Variants in CPEB3 observed in about 807,000 individuals in gnomAD.
The protein encoded by CPEB3 is cytoplasmic polyadenylation element-binding protein 3.
Under a neutral mutation model 67.2 loss-of-function variants are expected in CPEB3, and 20 were observed. The ratio of observed to expected loss-of-function variants is 0.30; its 90% confidence interval spans 0.21 to 0.43. The LOEUF is 0.43. Ranked by LOEUF, CPEB3 falls within the 20% of genes least tolerant of loss-of-function variation. The pLI is 1.00. For missense variants in CPEB3, 746 were observed against 968.6 expected (o/e 0.77, Z 3.05); for synonymous variants, 376 against 393.1 (o/e 0.96, Z 0.51).
At chr10:92,234,965 A>G (rs192335243) in intron 2 of CPEB3, among the ~76,000 whole-genome samples, 6 of 152,282 alleles carry the variant, frequency 3.9e-5, no homozygotes, top group Admixed American at 3.9e-4. Context: ...AGCAAGAATG[A>G]CAATAGTCCT....
At chr10:92,066,397 A>G (rs2134354392) in intron 9 of CPEB3, among the ~76,000 whole-genome samples, 1 of 152,244 alleles carries the variant, frequency 6.6e-6, no homozygotes, top group South Asian at 2.1e-4. Flanking sequence ...ATAAATAGAT[A>G]GACAGATAGA....
intron 1 of CPEB3, among the ~76,000 whole-genome samples, chr10:92,240,706 T>A (rs561231714): frequency 6.6e-6 from 1 of 152,302 alleles, no homozygotes; most frequent in Admixed American, 6.5e-5. Flanking sequence ...CGCCCTGCAA[T>A]GAGAAACTGA....
intron 1 of CPEB3, among the ~76,000 whole-genome samples, chr10:92,286,315 T>C (rs1162504749): frequency 6.6e-6 from 1 of 152,016 alleles, no homozygotes; most frequent in Non-Finnish European, 1.5e-5. Flanking sequence ...CCAGGCACAG[T>C]GGCTCATGCC....
chr10:92,116,244 C>A (rs1845019185), intron 6 of CPEB3, among the ~76,000 whole-genome samples: 1 of 129,322 alleles, frequency 7.7e-6, no homozygotes, highest in Non-Finnish European at 1.6e-5. Flanking sequence ...ATTAAACACA[C>A]CTTCCAGTAA....
At chr10:92,248,002 TG>T (rs780602019) in intron 1 of CPEB3, among the ~76,000 whole-genome samples, 2 of 152,158 alleles carry the variant, frequency 1.3e-5, no homozygotes, top group Non-Finnish European at 2.9e-5. Context: ...TAAACCCCTT[TG>T]GAGTAGCCAT....
chr10:92,053,427 G>T (rs976235517), intron 9 of CPEB3, among the ~76,000 whole-genome samples: 1 of 151,776 alleles, frequency 6.6e-6, no homozygotes, highest in East Asian at 1.9e-4. Flanking sequence ...GCAGTGGTGC[G>T]ATCTCGGCTC....
chr10:92,249,737 G>T (rs1355439830), intron 1 of CPEB3, among the ~76,000 whole-genome samples: 1 of 151,642 alleles, frequency 6.6e-6, no homozygotes, highest in African/African-American at 2.4e-5. Context: ...AAATATTTTT[G>T]GGCCAGGAGC....
At chr10:92,139,785 A>G (rs1846306162) in intron 6 of CPEB3, among the ~76,000 whole-genome samples, 1 of 152,114 alleles carries the variant, frequency 6.6e-6, no homozygotes. Flanking sequence ...CCTATATCAA[A>G]ATATCTCAGC....
intron 8 of CPEB3, among the ~76,000 whole-genome samples, chr10:92,089,878 C>A (rs1275459330): frequency 1.3e-5 from 2 of 152,074 alleles, no homozygotes; most frequent in African/African-American, 4.8e-5. Context: ...AAATATAATT[C>A]TTGTTTAATC....
chr10:92,058,710 G>C (rs1842216024), intron 9 of CPEB3, among the ~76,000 whole-genome samples: 1 of 151,848 alleles, frequency 6.6e-6, no homozygotes, highest in Non-Finnish European at 1.5e-5. Context: ...AATAGCTGGA[G>C]ACTTTAACAC....
intron 2 of CPEB3, among the ~76,000 whole-genome samples, chr10:92,196,661 G>A (rs965592756): frequency 3.3e-5 from 5 of 151,902 alleles, no homozygotes; most frequent in Admixed American, 2.0e-4. Context: ...CCAACTACTC[G>A]GGAGGCTGAG....
rs1027663061 is a variant in CPEB3 at position 92,051,927 on chromosome 10, C to T, written c.*285G>A. The T allele has an allele frequency of 5.4e-5, 17 of 312,466 alleles. No homozygotes were observed. Among genetic ancestry groups the T allele is most frequent in the South Asian group, 2.1e-4 (4 of 18,744 alleles). The allele number at this position is 312,466 out of a possible 1,614,324, so 19.4% of individuals were successfully genotyped here. A position where few individuals can be genotyped will look rare whatever the true frequency, so the allele number is the denominator to read the frequency against. On this transcript the variant is annotated 3_prime_UTR_variant, in exon 10 of 10. Coordinates refer to ENST00000265997, the MANE Select transcript of CPEB3 (RefSeq NM_014912.5). ...GAGAATGGCAGTCTACATACTGTCACGAGTGACAAATCAGGTATAAAAAAT... is the reference window on the plus strand; with the variant it reads ...GAGAATGGCAGTCTACATACTGTCATGAGTGACAAATCAGGTATAAAAAAT...
intron 4 of CPEB3, among the ~76,000 whole-genome samples, chr10:92,165,456 T>C (rs1252341447): frequency 6.7e-6 from 1 of 149,938 alleles, no homozygotes; most frequent in African/African-American, 2.5e-5. Context: ...TGTGGATTGT[T>C]GCTAACTGAT....
rs199911243 is a variant in CPEB3 at position 92,167,908 on chromosome 10, C to CA, written c.1222+13054dup. The stretch of plus-strand genomic sequence containing the variant: ...GGGCAGGCAGAGTGAGACTCTGTCT[C>CA]AAAAAAAATAAAATAAAATAAAATA... On this transcript the variant is annotated intron_variant, in intron 4 of 9. Coordinates refer to ENST00000265997, the MANE Select transcript of CPEB3 (RefSeq NM_014912.5). Among the ~76,000 whole-genome samples, 928 of 148,138 alleles carry CA rather than the reference C, an allele frequency of 6.3e-3. 10 individuals are homozygous for CA. The highest frequency in any genetic ancestry group is 0.023 in the African/African-American group (880 of 38,822).
intron 9 of CPEB3, among the ~76,000 whole-genome samples, chr10:92,063,266 G>A (rs757763379): frequency 9.2e-5 from 14 of 152,218 alleles, no homozygotes; most frequent in Non-Finnish European, 2.1e-4. Context: ...ACAACTCTTA[G>A]TGGCAGAGAA....
intron 9 of CPEB3, among the ~76,000 whole-genome samples, chr10:92,070,895 C>G (rs190670590): frequency 6.6e-6 from 1 of 151,434 alleles, no homozygotes; most frequent in Non-Finnish European, 1.5e-5. Flanking sequence ...AACTTTACCC[C>G]GATTTTGCCT....
chr10:92,223,170 T>C (rs1850783097), intron 2 of CPEB3, among the ~76,000 whole-genome samples: 1 of 152,202 alleles, frequency 6.6e-6, no homozygotes, highest in African/African-American at 2.4e-5. Flanking sequence ...AAAATCAGGC[T>C]AGAGTCAGAA....
intron 1 of CPEB3, among the ~76,000 whole-genome samples, chr10:92,268,728 T>C (rs1329921237): frequency 6.6e-6 from 1 of 152,212 alleles, no homozygotes; most frequent in Admixed American, 6.5e-5. Flanking sequence ...TACATTTTTG[T>C]ATATTTATTA....
At chr10:92,246,189 T>C (rs1275828069) in intron 1 of CPEB3, among the ~76,000 whole-genome samples, 7 of 144,788 alleles carry the variant, frequency 4.8e-5, no homozygotes, top group Middle Eastern at 3.8e-3. Flanking sequence ...CAAAAATTAG[T>C]CGGGCATGGT....
Sources: gnomAD v4.1 joint callset for allele counts (sites outside exome capture counted in the v4.1 genomes callset) on GRCh38, gnomAD v4.1.1 for gene constraint, MANE v1.5 for transcripts, NCBI Gene and HGNC (gene_info 2026-07-23, HGNC 2026-07-21) for gene names.